ESPN: variants seen among roughly 807,000 people sequenced by gnomAD.
ESPN encodes the protein espin.
ESPN carries 68 observed loss-of-function variants against 77.7 expected under a neutral mutation model. The ratio of observed to expected loss-of-function variants is 0.87; its 90% CI spans 0.72 to 1.07. The LOEUF is 1.07. ESPN is among the 50% of genes least tolerant of loss of function. The pLI is 0.00. For missense variants in ESPN, 1,060 were observed against 1,239.0 expected (o/e 0.86, Z 2.17); for synonymous variants, 449 against 567.1 (o/e 0.79, Z 2.96).
At chr1:6,443,289 G>A (rs561651785) in intron 5 of ESPN, 1 of 152,290 alleles carries the variant, frequency 6.6e-6, no homozygotes, top group African/African-American at 2.4e-5. Context: ...GGCACAAAAA[G>A]CATAGGTGAC....
At chr1:6,436,427 A>C (rs1207392617) in intron 2 of ESPN, among the ~76,000 whole-genome samples, 3 of 152,204 alleles carry the variant, frequency 2.0e-5, no homozygotes, top group Admixed American at 2.0e-4. Context: ...TATCACTATT[A>C]TTATTTACTA....
intron 12 of ESPN, among the ~76,000 whole-genome samples, chr1:6,458,918 G>A (rs867786582): frequency 3.6e-5 from 5 of 139,106 alleles, no homozygotes; most frequent in Middle Eastern, 4.2e-3. Context: ...GGGCAACAGA[G>A]TGAGACTCCA....
chr1:6,449,187 G>A lies in ESPN; in HGVS notation c.1915+96G>A. On this transcript the variant is annotated intron_variant, in intron 8 of 12. Coordinates refer to ENST00000645284, the MANE Select transcript of ESPN (RefSeq NM_031475.3). ...CCCCTCCCCAGCTGTCACTGCCCGG[G>A]TCCTTCCTCTTCTACATGGTCTTCC... The A allele has an allele frequency of 3.2e-6, 4 of 1,244,614 alleles. No homozygotes were observed. The South Asian group carries it at 5.6e-5, about 17-fold the overall frequency. The allele number at this position is 1,244,614 out of a possible 1,614,324, so 77.1% of individuals were successfully genotyped here. A position where few individuals can be genotyped will look rare whatever the true frequency, so the allele number is the denominator to read the frequency against.
downstream of ESPN, chr1:6,461,101 AAAGTC>A (rs1350654683): frequency 5.4e-6 from 3 of 551,000 alleles, no homozygotes; most frequent in Non-Finnish European, 7.1e-6. This position sits in a 1 kb window ranked among gnomAD's most constrained non-coding sequence, Gnocchi z 6.3. Context: ...TCCCTCGAGA[AAAGTC>A]CAGTCCACTT....
chr1:6,427,375 C>T lies in ESPN; in HGVS notation c.295-851C>T, dbSNP rs75483573. Among the ~76,000 whole-genome samples, 1,702 of 152,236 alleles carry T rather than the reference C, an allele frequency of 0.011. 30 individuals carry two copies. Among genetic ancestry groups the T allele is most frequent in the African/African-American group, 0.038 (1,593 of 41,556 alleles). The stretch of plus-strand genomic sequence containing the variant: ...TCCCAGCACAGGTCCTGTAAGCACT[C>T]CCCTCCAGCCCCTTTCTCAGCAGAC... On this transcript the variant is annotated intron_variant, in intron 1 of 12. Transcript: ENST00000645284. This position sits in a 1 kb window ranked among gnomAD's most constrained non-coding sequence, Gnocchi z 4.6.
intron 4 of ESPN, 47 bp from the exon 5 acceptor site, chr1:6,440,887 G>A (rs1356186116): frequency 1.9e-6 from 3 of 1,538,994 alleles, no homozygotes; most frequent in South Asian, 1.2e-5. Flanking sequence ...GGGCGCGGGG[G>A]TCCCAGCTCG....
rs535183513 is a variant in ESPN at position 6,445,535 on chromosome 1, G to T, written c.1193-129G>T. On this transcript the variant is annotated intron_variant, in intron 6 of 12. Transcript: ENST00000645284. ...CCAGCACCGCCAGGGGCCACAGCAG[G>T]TGTACCAAGTGGTGCCCGGAGCCCA... is the stretch of plus-strand genomic sequence containing the variant. 47 of 1,007,070 alleles carry T rather than the reference G, an allele frequency of 4.7e-5. No individual in the cohort carries two copies. The African/African-American group carries it at 6.9e-4, about 15-fold the overall frequency. 62.4% of individuals were successfully genotyped at this position (1,007,070 alleles called of 1,614,324 possible). A position where few individuals can be genotyped will look rare whatever the true frequency, so the allele number is the denominator to read the frequency against.
chr1:6,454,481 C>T lies in ESPN; in HGVS notation c.2325+2385C>T, dbSNP rs113388671. On this transcript the variant is annotated intron_variant, in intron 10 of 12. Coordinates refer to ENST00000645284, the MANE Select transcript of ESPN (RefSeq NM_031475.3). ...GCTACCCCCGCGAGGGCTGGAGGTA[C>T]TCCCGCGAGCACAACGCCATCCTCG... 3,758 of 399,022 alleles carry T rather than the reference C, an allele frequency of 9.4e-3. 36 individuals are homozygous for T. Among genetic ancestry groups the T allele is most frequent in the South Asian group, 0.016 (126 of 7,866 alleles). 24.7% of individuals were successfully genotyped at this position (399,022 alleles called of 1,614,324 possible).
intron 2 of ESPN, among the ~76,000 whole-genome samples, chr1:6,430,607 ATC>A (rs957306311): frequency 8.4e-4 from 128 of 151,976 alleles, no homozygotes; most frequent in Non-Finnish European, 3.1e-4. Flanking sequence ...TAGAAAAGAG[ATC>A]TCTCATACAA....
rs36046463 is a variant in ESPN, at chr1:6,450,833, T to C, written c.1916-770T>C. 0.051 allele frequency among the ~76,000 whole-genome samples: 7,669 copies of C among 150,304 alleles called. 249 individuals carry two copies. Among genetic ancestry groups the C allele is most frequent in the Non-Finnish European group, 0.078 (5,233 of 67,388 alleles). On this transcript the variant is annotated intron_variant, in intron 8 of 12. Transcript: ENST00000645284. The surrounding 1 kb of genome is among the most constrained non-coding windows in gnomAD (Gnocchi z 4.3). ...CCATTTTATTCCTCCCTCCCAGACC[T>C]GACCCCTTCATCGGGGCTCAAGAGA...
At chr1:6,442,605 C>T (rs1306278716) in intron 5 of ESPN, among the ~76,000 whole-genome samples, 2 of 146,694 alleles carry the variant, frequency 1.4e-5, no homozygotes, top group South Asian at 2.2e-4. Flanking sequence ...CACGGTGGCT[C>T]ACGCCTGTAA....
At position 6,428,958 on chromosome 1, in the gene ESPN, G is replaced by T. The variant is rs1037556535; in HGVS notation, c.488+539G>T. On this transcript the variant is annotated intron_variant, in intron 2 of 12. Transcript: ENST00000645284. This position sits in a 1 kb window ranked among gnomAD's most constrained non-coding sequence, Gnocchi z 5.4. Reference sequence around the variant, plus strand: ...CTGGAGGCCATCCAGAGAGCATCTTGTTATCTCCTGTGGCCCCTCAGCCCG... The same window carrying T: ...CTGGAGGCCATCCAGAGAGCATCTTTTTATCTCCTGTGGCCCCTCAGCCCG... Among the ~76,000 whole-genome samples, 4 of 152,194 alleles carry T rather than the reference G, an allele frequency of 2.6e-5. No homozygotes were observed. Among genetic ancestry groups the T allele is most frequent in the African/African-American group, 9.7e-5 (4 of 41,448 alleles).
chr1:6,444,166 C>T (rs1236367599), intron 5 of ESPN, among the ~76,000 whole-genome samples: 2 of 152,188 alleles, frequency 1.3e-5, no homozygotes, highest in Non-Finnish European at 2.9e-5. Flanking sequence ...GGGAGAAGGC[C>T]GATCTCCTGG....
At chr1:6,438,261 T>C (rs932338225) in intron 2 of ESPN, among the ~76,000 whole-genome samples, 1 of 152,184 alleles carries the variant, frequency 6.6e-6, no homozygotes, top group Non-Finnish European at 1.5e-5. Flanking sequence ...AGGCCAGCCA[T>C]AGACCCTCCT....
In ESPN at chr1:6,455,615, C is replaced by T. The variant is rs375501907; in HGVS notation, c.2326-1569C>T. On this transcript the variant is annotated intron_variant, in intron 10 of 12. Transcript: ENST00000645284. ...TGCCGCCCCTGGACGGCGGCGCACC[C>T]CCGCACTACGACAGCCTCACGCTCG... The T allele has an allele frequency of 1.8e-4, 70 of 399,356 alleles. 1 individual carries two copies. Among genetic ancestry groups the T allele is most frequent in the East Asian group, 1.0e-3 (28 of 28,092 alleles). 24.7% of individuals were successfully genotyped at this position (399,356 alleles called of 1,614,324 possible).
intron 5 of ESPN, among the ~76,000 whole-genome samples, chr1:6,441,285 C>G (rs114308448): frequency 0.014 from 2,115 of 152,234 alleles, 56 homozygotes; most frequent in African/African-American, 0.048. Flanking sequence ...CAGAGTCACC[C>G]CAAGGGGTAA....
chr1:6,459,981 C>T lies in ESPN; in HGVS notation c.2418-18C>T, dbSNP rs754640192. On this transcript the variant is annotated intron_variant, in intron 12 of 12. Transcript: ENST00000645284. ...GCCCCAGACTTCACCGGGTCTGCCC[C>T]CCTCCCCACTGCCTCAGGAAAGAGG... 3 of 1,613,128 alleles carry T rather than the reference C, an allele frequency of 1.9e-6. No individual in the cohort carries two copies. Among genetic ancestry groups the T allele is most frequent in the East Asian group, 2.2e-5 (1 of 44,898 alleles).
intron 3 of ESPN, 30 bp from the exon 4 acceptor site, chr1:6,440,596 C>CCCCCCCCAAA: frequency 1.2e-5 from 14 of 1,127,580 alleles, no homozygotes; most frequent in South Asian, 1.4e-5. Context: ...GCCCAGCCCC[C>CCCCCCCCAAA]GCCCCCCTCT....
Position 6,460,167 on chromosome 1 carries a change from C to T in ESPN, c.*21C>T, listed in dbSNP as rs1557722655. ...ACTAGAGGCCGCAGACTCCTGTCCG[C>T]AGCCTCGCAGCTCCGTGGGGCCCTC... On this transcript the variant is annotated 3_prime_UTR_variant, in exon 13 of 13. Transcript: ENST00000645284. 6 of 1,605,842 alleles carry T rather than the reference C, an allele frequency of 3.7e-6. No homozygotes were observed. The highest frequency in any genetic ancestry group is 5.1e-6 in the Non-Finnish European group (6 of 1,175,632).
Sources: gnomAD v4.1 joint callset for allele counts (sites outside exome capture counted in the v4.1 genomes callset) on GRCh38, gnomAD v4.1.1 for gene constraint, Gnocchi (gnomAD v3.1) non-coding constraint, MANE v1.5 for transcripts, NCBI Gene and HGNC (gene_info 2026-07-23, HGNC 2026-07-21) for gene names.